The following NDRG1 variants were observed in gnomAD, a reference collection of about 807,000 sequenced individuals.
The protein encoded by NDRG1 is N-myc downstream regulated 1, also known as protein NDRG1.
A neutral mutation model predicts 56.9 loss-of-function variants in NDRG1; 32 were observed. That is an observed-to-expected ratio of 0.56 (90% CI 0.42 to 0.76). NDRG1 has a LOEUF of 0.76. Ranked by LOEUF, NDRG1 falls within the 30% of genes least tolerant of loss-of-function variation. The probability of loss-of-function intolerance (pLI) is 0.00; values close to 1 mark genes in which losing one functional copy is unlikely to be tolerated. For missense variants in NDRG1, 507 were observed against 545.7 expected, an observed-to-expected ratio of 0.93 and a Z score of 0.71; for synonymous variants, 211 against 204.1, an observed-to-expected ratio of 1.03 and a Z score of -0.29.
intron 1 of NDRG1, among the ~76,000 whole-genome samples, chr8:133,289,480 T>G (rs1026824179): frequency 1.3e-5 from 2 of 152,018 alleles, no homozygotes; most frequent in Non-Finnish European, 2.9e-5. Context: ...GGTTTCTGAT[T>G]ATCAGGCCCA....
At chr8:133,290,016 G>A (rs1858344369) in intron 1 of NDRG1, among the ~76,000 whole-genome samples, 1 of 152,040 alleles carries the variant, frequency 6.6e-6, no homozygotes, top group South Asian at 2.1e-4. Flanking sequence ...AAGACAAAAG[G>A]GCCACAGGGT....
rs1035537438 is a variant in NDRG1 at position 133,264,743 on chromosome 8, T to C, written c.100-91A>G. On this transcript the variant is annotated intron_variant, in intron 3 of 15. Transcript: ENST00000323851. The stretch of plus-strand genomic sequence containing the variant: ...AGCCAGCCTGTTTCCAACTGTGTTT[T>C]GAGGAAGCTCTCTTCTCATCTGGCC... 1.5e-5 allele frequency: 17 copies of C among 1,107,466 alleles called. No individual in the cohort carries two copies. In the African/African-American group the frequency reaches 2.5e-4, roughly 16 times the overall value. 68.6% of individuals were successfully genotyped at this position (1,107,466 alleles called of 1,614,324 possible). A position where few individuals can be genotyped will look rare whatever the true frequency, so the allele number is the denominator to read the frequency against.
chr8:133,250,741 G>A (rs761651825), intron 9 of NDRG1, among the ~76,000 whole-genome samples, 198 bp from the exon 10 acceptor site: 8 of 151,932 alleles, frequency 5.3e-5, no homozygotes, highest in South Asian at 4.2e-4. Context: ...TTCACTATCC[G>A]CTGGGAGCAG....
At chr8:133,259,324 G>C in intron 5 of NDRG1, 94 bp from the exon 6 acceptor site, 1 of 1,310,026 alleles carries the variant, frequency 7.6e-7, no homozygotes, top group Non-Finnish European at 1.1e-6. Context: ...CCATGCAGCA[G>C]CCTGCCCCAT....
intron 3 of NDRG1, among the ~76,000 whole-genome samples, chr8:133,268,163 G>A (rs376017899): frequency 1.3e-5 from 2 of 152,056 alleles, no homozygotes; most frequent in African/African-American, 2.4e-5. Context: ...GTGGGCACCC[G>A]GTATCTGCTG....
intron 11 of NDRG1, 31 bp downstream of exon 11, chr8:133,248,684 G>C (rs773855726): frequency 6.2e-7 from 1 of 1,613,460 alleles, no homozygotes; most frequent in East Asian, 2.2e-5. Flanking sequence ...AGCCCCGACT[G>C]CAAGTGCTGG....
Position 133,243,918 on chromosome 8 carries a change from A to T in NDRG1, c.891+437T>A, listed in dbSNP as rs1163951459. On this transcript the variant is annotated intron_variant, in intron 14 of 15. Coordinates refer to ENST00000323851, the MANE Select transcript of NDRG1 (RefSeq NM_006096.4). ...TGTACATGTGCACACACATTTACAC[A>T]TGCACACAGACATGTGTACACATGC... 2.0e-5 allele frequency among the ~76,000 whole-genome samples: 3 copies of T among 151,952 alleles called. No individual in the cohort carries two copies. In the East Asian group the frequency reaches 5.8e-4, roughly 29 times the overall value.
chr8:133,296,607 C>T (rs1858779070), intron 1 of NDRG1: 5 of 452,560 alleles, frequency 1.1e-5, no homozygotes, highest in Non-Finnish European at 2.2e-5. Context: ...ACCCACGCCC[C>T]CCTCTCCAGC....
At chr8:133,290,108 G>A (rs533234385) in intron 1 of NDRG1, among the ~76,000 whole-genome samples, 43 of 152,256 alleles carry the variant, frequency 2.8e-4, no homozygotes, top group African/African-American at 9.6e-4. Flanking sequence ...GCCAGCCTCA[G>A]ACTCCTGTCT....
chr8:133,268,413 C>T (rs1857021530), intron 3 of NDRG1, among the ~76,000 whole-genome samples: 1 of 152,144 alleles, frequency 6.6e-6, no homozygotes, highest in Admixed American at 6.5e-5. Context: ...CTGCCCCAAA[C>T]CTCAGCCTGA....
chr8:133,283,321 G>A (rs1332154458), intron 2 of NDRG1, among the ~76,000 whole-genome samples: 1 of 152,242 alleles, frequency 6.6e-6, no homozygotes, highest in African/African-American at 2.4e-5. Flanking sequence ...GTTGGCTTTA[G>A]ACTAACTTCA....
chr8:133,296,503 C>T (rs1285994233), intron 1 of NDRG1: 8 of 456,112 alleles, frequency 1.8e-5, no homozygotes, highest in Non-Finnish European at 3.5e-5. Flanking sequence ...CTTACACTCA[C>T]ACATGCACAC....
intron 2 of NDRG1, among the ~76,000 whole-genome samples, chr8:133,283,958 G>A (rs1359156696): frequency 1.3e-5 from 2 of 152,248 alleles, no homozygotes; most frequent in Non-Finnish European, 2.9e-5. Context: ...GAAAGGCCCA[G>A]AGAAGTGGGC....
At chr8:133,255,071 C>T (rs1856295377) in intron 8 of NDRG1, 1 of 338,386 alleles carries the variant, frequency 3.0e-6, no homozygotes, top group Non-Finnish European at 5.9e-6. Context: ...CACTGACAAT[C>T]TTCTTTTCCT....
intron 1 of NDRG1, 95 bp from the exon 2 acceptor site, chr8:133,284,424 G>A: frequency 7.2e-6 from 8 of 1,111,004 alleles, no homozygotes; most frequent in South Asian, 1.3e-5. Flanking sequence ...GGCCAGGCCT[G>A]CGCTCTGCCC....
chr8:133,244,288 G>A, intron 14 of NDRG1, 67 bp downstream of exon 14: 2 of 1,573,136 alleles, frequency 1.3e-6, no homozygotes, highest in South Asian at 2.2e-5. Context: ...AGGTGTCACA[G>A]AGGCACATGC....
intron 3 of NDRG1, 104 bp from the exon 4 acceptor site, chr8:133,264,756 T>C (rs1323854234): frequency 9.2e-6 from 9 of 982,778 alleles, no homozygotes; most frequent in Admixed American, 1.8e-5. Context: ...GGAAGCTCTC[T>C]TCTCATCTGG....
At chr8:133,280,130 C>A (rs994927176) in intron 3 of NDRG1, 102 bp downstream of exon 3, 1 of 1,422,912 alleles carries the variant, frequency 7.0e-7, no homozygotes, top group Non-Finnish European at 9.8e-7. Context: ...TCTCCCCTTG[C>A]CCGCAATGTT....
chr8:133,272,135 G>A (rs1857223175), intron 3 of NDRG1, among the ~76,000 whole-genome samples: 1 of 152,210 alleles, frequency 6.6e-6, no homozygotes, highest in Non-Finnish European at 1.5e-5. Context: ...CTTTTATGTT[G>A]ACATCAGGTC....
Sources: allele counts gnomAD v4.1 joint callset (sites outside exome capture counted in the v4.1 genomes callset), GRCh38; gene constraint gnomAD v4.1.1; transcripts MANE v1.5; gene names NCBI Gene and HGNC (gene_info 2026-07-23, HGNC 2026-07-21).